KCTD16: variants seen among roughly 807,000 people sequenced by gnomAD.
KCTD16 encodes potassium channel tetramerization domain containing 16.
KCTD16 carries 13 observed loss-of-function variants against 33.2 expected under a neutral mutation model. The ratio of observed to expected loss-of-function variants is 0.39; its 90% CI spans 0.25 to 0.62. The LOEUF (loss-of-function observed/expected upper bound fraction) is 0.62. KCTD16 is among the 20% of genes least tolerant of loss of function. KCTD16 has a pLI of 0.50. For missense variants in KCTD16, 441 were observed against 525.1 expected, an observed-to-expected ratio of 0.84 and a Z score of 1.57; for synonymous variants, 197 against 195.3, an observed-to-expected ratio of 1.01 and a Z score of -0.07.
intron 1 of KCTD16, among the ~76,000 whole-genome samples, chr5:144,171,223 T>C (rs919475968): frequency 4.6e-5 from 7 of 152,206 alleles, no homozygotes; most frequent in Non-Finnish European, 1.0e-4. Context: ...TATTCTTTAG[T>C]GTTCCATAAT....
At chr5:144,469,961 G>C (rs907945883) in intron 3 of KCTD16, among the ~76,000 whole-genome samples, 1 of 150,790 alleles carries the variant, frequency 6.6e-6, no homozygotes, top group Non-Finnish European at 1.5e-5. Flanking sequence ...TAGATTTCCT[G>C]CTTTTTTAAT....
At chr5:144,416,301 T>C (rs755957622) in intron 3 of KCTD16, among the ~76,000 whole-genome samples, 3 of 152,328 alleles carry the variant, frequency 2.0e-5, no homozygotes, top group South Asian at 2.1e-4. Flanking sequence ...GCCTTCATTA[T>C]TGAGTTCTTT....
chr5:144,424,455 C>G (rs1207867762), intron 3 of KCTD16, among the ~76,000 whole-genome samples: 7 of 152,154 alleles, frequency 4.6e-5, no homozygotes, highest in Non-Finnish European at 1.0e-4. Context: ...GGCTTCCCAG[C>G]TGAATTAGAA....
At position 144,409,373 on chromosome 5, in the gene KCTD16, A is replaced by C. The variant is rs143423829; in HGVS notation, c.833-64287A>C. Reference sequence around the variant, plus strand: ...GTTGGAAACTTTATTTCAGATCCTCACATCTATACAAGTAGTTTCTACTGA... The same window carrying C: ...GTTGGAAACTTTATTTCAGATCCTCCCATCTATACAAGTAGTTTCTACTGA... On this transcript the variant is annotated intron_variant, in intron 3 of 3. Coordinates refer to ENST00000512467, the MANE Select transcript of KCTD16 (RefSeq NM_020768.4). Among the ~76,000 whole-genome samples the C allele has an allele frequency of 3.1e-3, 466 of 152,292 alleles. 2 individuals are homozygous for C. Among genetic ancestry groups the C allele is most frequent in the African/African-American group, 0.011 (448 of 41,564 alleles).
chr5:144,308,557 C>T lies in KCTD16; in HGVS notation c.832+101011C>T, dbSNP rs1053928730. ...AACTCAAGTTCCATTTTATGGGGAT[C>T]TGGAGTCTTGATGAATCCCATCCTA... On this transcript the variant is annotated intron_variant, in intron 3 of 3. Transcript: ENST00000512467. Among the ~76,000 whole-genome samples, 5 of 152,318 alleles carry T rather than the reference C, an allele frequency of 3.3e-5. No homozygotes were observed. The East Asian group carries it at 7.7e-4, about 23-fold the overall frequency.
chr5:144,451,954 A>T (rs1753952031), intron 3 of KCTD16, among the ~76,000 whole-genome samples: 1 of 151,938 alleles, frequency 6.6e-6, no homozygotes, highest in Non-Finnish European at 1.5e-5. Context: ...AAGAAATTAC[A>T]TTTAGGAGTG....
At chr5:144,429,829 G>T (rs868509085) in intron 3 of KCTD16, among the ~76,000 whole-genome samples, 3 of 152,118 alleles carry the variant, frequency 2.0e-5, no homozygotes, top group Middle Eastern at 3.4e-3. Context: ...TGCCGCCAAG[G>T]AAGTTACATC....
chr5:144,189,369 G>A (rs903869065), intron 2 of KCTD16, among the ~76,000 whole-genome samples: 1 of 151,932 alleles, frequency 6.6e-6, no homozygotes, highest in Non-Finnish European at 1.5e-5. Context: ...GGTGGCGGGC[G>A]CCTGTAGTCC....
At chr5:144,336,879 G>T (rs1045518950) in intron 3 of KCTD16, among the ~76,000 whole-genome samples, 1 of 151,916 alleles carries the variant, frequency 6.6e-6, no homozygotes, top group African/African-American at 2.4e-5. Flanking sequence ...CTACCTGGAA[G>T]GTTGCTGAGA....
chr5:144,337,982 T>TGG (rs1561572333), intron 3 of KCTD16, among the ~76,000 whole-genome samples: 13 of 152,164 alleles, frequency 8.5e-5, no homozygotes, highest in Non-Finnish European at 1.6e-4. Context: ...CTTAAAACCA[T>TGG]GCTGGCCAAA....
chr5:144,460,997 C>T (rs1754181410), intron 3 of KCTD16, among the ~76,000 whole-genome samples: 1 of 152,092 alleles, frequency 6.6e-6, no homozygotes. Flanking sequence ...TAACCTTCAG[C>T]CAGGGACTCT....
rs750274721 is a variant in KCTD16, at chr5:144,206,962, G to A, written c.248G>A (p.Arg83His). 1.2e-6 allele frequency: 2 copies of A among 1,614,112 alleles called. No individual in the cohort carries two copies. Among genetic ancestry groups the A allele is most frequent in the Non-Finnish European group, 1.7e-6 (2 of 1,180,020 alleles). The change falls in exon 3 of 4, where the codon CGT becomes CAT. Residue 83 changes from arginine to histidine, a missense_variant. Transcript: ENST00000512467. ...FFIDRDGFLF[R>H]YILDYLRDRQ... ...ATTGACAGAGATGGATTCTTGTTCC[G>A]TTATATTCTGGACTATCTCAGGGAC... is the stretch of plus-strand genomic sequence containing the variant.
intron 3 of KCTD16, among the ~76,000 whole-genome samples, chr5:144,231,447 A>T (rs1009278960): frequency 1.3e-5 from 2 of 152,150 alleles, no homozygotes; most frequent in African/African-American, 2.4e-5. Flanking sequence ...ATATTATGTT[A>T]AGTAGCTATT....
At chr5:144,278,288 C>G in intron 3 of KCTD16, among the ~76,000 whole-genome samples, 1 of 151,804 alleles carries the variant, frequency 6.6e-6, no homozygotes, top group East Asian at 1.9e-4. Context: ...TAGAGATTTT[C>G]TTTTGGACTC....
At chr5:144,371,498 ATG>A (rs1343613254) in intron 3 of KCTD16, among the ~76,000 whole-genome samples, 4 of 152,154 alleles carry the variant, frequency 2.6e-5, no homozygotes, top group African/African-American at 9.7e-5. Context: ...TAAGATGAGT[ATG>A]TGTTATCTGT....
intron 3 of KCTD16, among the ~76,000 whole-genome samples, chr5:144,360,442 T>C (rs578077891): frequency 6.6e-6 from 1 of 152,040 alleles, no homozygotes; most frequent in Non-Finnish European, 1.5e-5. Context: ...ATCCCTTTTT[T>C]TTTTTTTGAG....
At chr5:144,382,487 C>T (rs895209328) in intron 3 of KCTD16, among the ~76,000 whole-genome samples, 2 of 152,124 alleles carry the variant, frequency 1.3e-5, no homozygotes, top group African/African-American at 2.4e-5. Flanking sequence ...GCCTCTGACA[C>T]CATACTTAGG....
chr5:144,445,682 G>C (rs1249107159), intron 3 of KCTD16, among the ~76,000 whole-genome samples: 2 of 151,468 alleles, frequency 1.3e-5, no homozygotes, highest in African/African-American at 4.8e-5. Context: ...AAACATAGTT[G>C]CTTGCTTCCT....
intron 3 of KCTD16, among the ~76,000 whole-genome samples, chr5:144,459,732 C>A (rs1389363482): frequency 6.6e-6 from 1 of 150,830 alleles, no homozygotes; most frequent in East Asian, 2.0e-4. Context: ...GAAAAATCAT[C>A]ATTTTTATTG....
Sources: allele counts gnomAD v4.1 joint callset (sites outside exome capture counted in the v4.1 genomes callset), GRCh38; gene constraint gnomAD v4.1.1; transcripts MANE v1.5; gene names NCBI Gene and HGNC (gene_info 2026-07-23, HGNC 2026-07-21).